The following WWTR1 variants were observed in gnomAD, a reference collection of about 807,000 sequenced individuals.
WWTR1 encodes the protein WW domain containing transcription regulator 1.
Under a neutral mutation model 40.1 loss-of-function variants are expected in WWTR1, and 13 were observed. The ratio of observed to expected loss-of-function variants is 0.32; its 90% CI spans 0.21 to 0.52. WWTR1 has a LOEUF of 0.52. WWTR1 is among the 20% of genes least tolerant of loss of function. The probability of loss-of-function intolerance (pLI) is 0.97; values close to 1 mark genes in which losing one functional copy is unlikely to be tolerated. For missense variants in WWTR1, 436 were observed against 523.1 expected (o/e 0.83, Z 1.63); for synonymous variants, 230 against 210.1 (o/e 1.09, Z -0.82).
intron 3 of WWTR1, among the ~76,000 whole-genome samples, chr3:149,547,274 C>T (rs1736408126): frequency 6.7e-6 from 1 of 150,360 alleles, no homozygotes; most frequent in Non-Finnish European, 1.5e-5. Context: ...TCTGTAATCC[C>T]AGCACTTTGG....
At chr3:149,707,770 T>C (rs992825753), upstream of WWTR1, among the ~76,000 whole-genome samples, 1 of 151,980 alleles carries the variant, frequency 6.6e-6, no homozygotes, top group Admixed American at 6.5e-5. Flanking sequence ...TTGAATATGT[T>C]TGCATGTCCC....
intron 3 of WWTR1, among the ~76,000 whole-genome samples, chr3:149,565,529 T>C (rs1737274932): frequency 6.6e-6 from 1 of 152,186 alleles, no homozygotes; most frequent in African/African-American, 2.4e-5. Flanking sequence ...TCCTGCTTTA[T>C]TACATAAAAG....
chr3:149,655,511 A>G (rs1713158382), intron 2 of WWTR1, among the ~76,000 whole-genome samples: 1 of 152,242 alleles, frequency 6.6e-6, no homozygotes, highest in Admixed American at 6.5e-5. Context: ...TCTTGACTCC[A>G]CCAGCTACTT....
chr3:149,528,948 AC>A (rs922821693), intron 4 of WWTR1, among the ~76,000 whole-genome samples: 4 of 152,254 alleles, frequency 2.6e-5, no homozygotes, highest in Non-Finnish European at 4.4e-5. Context: ...AGCTAGCATT[AC>A]ATTGCTAAGA....
intron 4 of WWTR1, among the ~76,000 whole-genome samples, chr3:149,533,051 C>T (rs1224306637): frequency 6.6e-6 from 1 of 152,192 alleles, no homozygotes; most frequent in African/African-American, 2.4e-5. Context: ...AAAACAAACG[C>T]TAAGCTGGCT....
intron 2 of WWTR1, among the ~76,000 whole-genome samples, chr3:149,614,880 G>A (rs192857140): frequency 3.8e-4 from 58 of 152,226 alleles, no homozygotes; most frequent in African/African-American, 1.4e-3. Flanking sequence ...CTACTCGGGA[G>A]GCTGAGGCAG....
chr3:149,590,419 G>A (rs1738639404), intron 2 of WWTR1, among the ~76,000 whole-genome samples: 1 of 152,196 alleles, frequency 6.6e-6, no homozygotes, highest in Admixed American at 6.5e-5. Flanking sequence ...GGAGGCCGAG[G>A]CAGGCGGGTC....
intron 2 of WWTR1, among the ~76,000 whole-genome samples, chr3:149,641,572 G>T (rs1335529356): frequency 4.6e-5 from 7 of 152,200 alleles, no homozygotes; most frequent in Admixed American, 4.6e-4. Context: ...GGCAAAACTT[G>T]ACTCACTTCA....
upstream of WWTR1, among the ~76,000 whole-genome samples, chr3:149,658,993 C>T (rs560063335): frequency 6.6e-6 from 1 of 152,294 alleles, no homozygotes; most frequent in Admixed American, 6.5e-5. Flanking sequence ...CCAACTAGAT[C>T]TGGGCGAGGG....
intron 3 of WWTR1, among the ~76,000 whole-genome samples, chr3:149,546,311 A>G (rs1400640608): frequency 6.6e-6 from 1 of 152,258 alleles, no homozygotes; most frequent in Non-Finnish European, 1.5e-5. Context: ...AGGATATTCA[A>G]AACAGTATTG....
At chr3:149,680,858 T>C (rs747477536) in intron 1 of WWTR1, among the ~76,000 whole-genome samples, 3 of 152,076 alleles carry the variant, frequency 2.0e-5, no homozygotes, top group African/African-American at 4.8e-5. Context: ...AAAAATTGAC[T>C]CTTATTTTTC....
intron 3 of WWTR1, among the ~76,000 whole-genome samples, chr3:149,551,110 C>T (rs149227689): frequency 0.062 from 8,904 of 143,534 alleles, 1,257 homozygotes; most frequent in Middle Eastern, 0.13. Flanking sequence ...CCAGCCTGAC[C>T]AACATGGAGA....
chr3:149,607,282 G>A lies in WWTR1; in HGVS notation c.432-34282C>T, dbSNP rs115813000. On this transcript the variant is annotated intron_variant, in intron 2 of 6. Transcript: ENST00000360632. ...ATGCTGCTTAGAAGACTGATAACACGGGTTAACTTCAGTGACCTTTGAGAA... is the reference window on the plus strand; with the variant it reads ...ATGCTGCTTAGAAGACTGATAACACAGGTTAACTTCAGTGACCTTTGAGAA... 9.8e-3 allele frequency among the ~76,000 whole-genome samples: 1,494 copies of A among 152,104 alleles called. 40 individuals are homozygous for A. The highest frequency in any genetic ancestry group is 0.034 in the African/African-American group (1,416 of 41,494).
intron 2 of WWTR1, among the ~76,000 whole-genome samples, chr3:149,630,239 A>T (rs1711512237): frequency 6.6e-6 from 1 of 152,208 alleles, no homozygotes; most frequent in African/African-American, 2.4e-5. Context: ...TGCAATAAGT[A>T]ATATTATAAT....
chr3:149,657,494 C>T, intron 1 of WWTR1, 185 bp from the exon 2 acceptor site: 1 of 686,850 alleles, frequency 1.5e-6, no homozygotes, highest in South Asian at 2.0e-5. Flanking sequence ...GGGGAGGGGT[C>T]CCTCCTGGCC....
intron 2 of WWTR1, among the ~76,000 whole-genome samples, chr3:149,626,613 C>T (rs191203665): frequency 3.9e-5 from 6 of 151,926 alleles, no homozygotes; most frequent in African/African-American, 7.2e-5. Context: ...GCAGGCTGAG[C>T]GTTTTTGGTT....
chr3:149,703,318 G>A (rs1715251930), upstream of WWTR1: 2 of 152,164 alleles, frequency 1.3e-5, no homozygotes. Context: ...GAGCACACAT[G>A]TTGTTTACAT....
intron 4 of WWTR1, among the ~76,000 whole-genome samples, 181 bp from the exon 5 acceptor site, chr3:149,528,150 A>G (rs1332127871): frequency 6.6e-6 from 1 of 152,240 alleles, no homozygotes; most frequent in Non-Finnish European, 1.5e-5. Context: ...GACATAAGTC[A>G]CTTCACATTC....
At chr3:149,682,223 G>A (rs1559839904) in intron 1 of WWTR1, among the ~76,000 whole-genome samples, 1 of 152,144 alleles carries the variant, frequency 6.6e-6, no homozygotes. Flanking sequence ...ATTGGTATCT[G>A]CAGACTTCAG....
Sources: gnomAD v4.1 joint callset for allele counts (sites outside exome capture counted in the v4.1 genomes callset) on GRCh38, gnomAD v4.1.1 for gene constraint, MANE v1.5 for transcripts, NCBI Gene and HGNC (gene_info 2026-07-23, HGNC 2026-07-21) for gene names.